Variants in PXDNL observed in about 807,000 individuals in gnomAD.
PXDNL encodes probable oxidoreductase PXDNL.
Under a neutral mutation model 150.8 loss-of-function variants are expected in PXDNL, and 145 were observed. The ratio of observed to expected loss-of-function variants is 0.96; its 90% CI spans 0.84 to 1.10. The LOEUF (loss-of-function observed/expected upper bound fraction) is 1.10, where lower values mean the gene tolerates loss of function less well. Among genes scored for constraint, PXDNL ranks in the 50% least tolerant of loss-of-function variants. PXDNL has a pLI of 0.00. For synonymous variants in PXDNL, 757 were observed against 725.7 expected, an observed-to-expected ratio of 1.04 and a Z score of -0.69; for missense variants, 2,087 against 1,873.9, an observed-to-expected ratio of 1.11 and a Z score of -2.10.
At chr8:51,493,957 T>C (rs202103419) in intron 5 of PXDNL, among the ~76,000 whole-genome samples, 6 of 136,174 alleles carry the variant, frequency 4.4e-5, no homozygotes, top group African/African-American at 1.6e-4. Flanking sequence ...TCAAGAAGAG[T>C]AACTCCAAGA....
At chr8:51,404,473 A>G (rs2130874836) in intron 17 of PXDNL, among the ~76,000 whole-genome samples, 1 of 150,530 alleles carries the variant, frequency 6.6e-6, no homozygotes, top group Admixed American at 6.6e-5. Flanking sequence ...CCACATACAG[A>G]GTGCTGATTG....
chr8:51,754,605 T>C (rs1396995885), intron 1 of PXDNL, among the ~76,000 whole-genome samples: 1 of 151,986 alleles, frequency 6.6e-6, no homozygotes, highest in Non-Finnish European at 1.5e-5. Flanking sequence ...CTGGGTTCAT[T>C]CCATTCTCCT....
At chr8:51,391,713 C>A (rs1216761215) in intron 17 of PXDNL, among the ~76,000 whole-genome samples, 2 of 152,040 alleles carry the variant, frequency 1.3e-5, no homozygotes, top group Non-Finnish European at 2.9e-5. Context: ...ATGGTAGTTT[C>A]TTTTGCTGTG....
chr8:51,477,560 C>T (rs967867443), intron 6 of PXDNL, among the ~76,000 whole-genome samples: 1 of 152,274 alleles, frequency 6.6e-6, no homozygotes, highest in South Asian at 2.1e-4. Context: ...GTATTGTGTT[C>T]GAAGTTCACA....
chr8:51,596,177 C>A (rs1813560544), intron 2 of PXDNL, among the ~76,000 whole-genome samples: 1 of 152,134 alleles, frequency 6.6e-6, no homozygotes, highest in Non-Finnish European at 1.5e-5. Flanking sequence ...TGCATTAATT[C>A]ACTTAGGATA....
intron 1 of PXDNL, among the ~76,000 whole-genome samples, chr8:51,735,967 C>T (rs1408130343): frequency 6.6e-6 from 1 of 152,190 alleles, no homozygotes; most frequent in African/African-American, 2.4e-5. Flanking sequence ...TTTCTCCCTA[C>T]CTGCCTACCA....
At chr8:51,654,526 T>G (rs904017977) in intron 2 of PXDNL, among the ~76,000 whole-genome samples, 163 bp downstream of exon 2, 1 of 144,662 alleles carries the variant, frequency 6.9e-6, no homozygotes, top group Admixed American at 6.7e-5. Context: ...TATAAAAACA[T>G]AGGCAGTGTA....
At chr8:51,472,061 A>G (rs971392976) in intron 8 of PXDNL, 126 bp downstream of exon 8, 12 of 604,782 alleles carry the variant, frequency 2.0e-5, no homozygotes, top group African/African-American at 3.7e-5. Flanking sequence ...GTTAAAAGGC[A>G]TTTTATCTTT....
intron 12 of PXDNL, among the ~76,000 whole-genome samples, chr8:51,446,312 A>T (rs1046677749): frequency 1.3e-5 from 2 of 152,254 alleles, no homozygotes; most frequent in Admixed American, 6.5e-5. Flanking sequence ...TTAGGAAATT[A>T]TATCAAAATG....
At chr8:51,574,769 G>A (rs1813014528) in intron 3 of PXDNL, among the ~76,000 whole-genome samples, 1 of 152,022 alleles carries the variant, frequency 6.6e-6, no homozygotes, top group South Asian at 2.1e-4. Context: ...TTCCAGTGGT[G>A]AAAGGAAAGA....
chr8:51,600,331 T>C (rs1813674795), intron 2 of PXDNL, among the ~76,000 whole-genome samples: 1 of 126,598 alleles, frequency 7.9e-6, no homozygotes, highest in Non-Finnish European at 1.6e-5. Flanking sequence ...TTATATCTTA[T>C]ATAAATTATA....
At chr8:51,761,202 T>C (rs184679936) in intron 1 of PXDNL, among the ~76,000 whole-genome samples, 2 of 152,016 alleles carry the variant, frequency 1.3e-5, no homozygotes, top group East Asian at 1.9e-4. Context: ...TAGTATCTCC[T>C]TGAACTGAAT....
chr8:51,736,916 G>C (rs1240622124), intron 1 of PXDNL, among the ~76,000 whole-genome samples: 1 of 152,172 alleles, frequency 6.6e-6, no homozygotes, highest in African/African-American at 2.4e-5. Flanking sequence ...TTTTAAGGTT[G>C]ACATTTTTAA....
chr8:51,703,748 G>T (rs1033442858), intron 1 of PXDNL, among the ~76,000 whole-genome samples: 21 of 152,068 alleles, frequency 1.4e-4, no homozygotes, highest in Non-Finnish European at 2.9e-4. Context: ...AATTTAATGT[G>T]TTCATACATT....
At chr8:51,332,303 C>T (rs1356159519) in intron 21 of PXDNL, among the ~76,000 whole-genome samples, 2 of 152,180 alleles carry the variant, frequency 1.3e-5, no homozygotes, top group African/African-American at 2.4e-5. Context: ...AGAGAACACC[C>T]TGTGGGACAA....
At chr8:51,484,700 G>A (rs915183573) in intron 5 of PXDNL, among the ~76,000 whole-genome samples, 2 of 152,146 alleles carry the variant, frequency 1.3e-5, no homozygotes, top group Admixed American at 6.5e-5. Context: ...GATGGAAGGT[G>A]GCGGGAGTAG....
chr8:51,517,873 G>C (rs1049916554), intron 4 of PXDNL, among the ~76,000 whole-genome samples: 2 of 152,168 alleles, frequency 1.3e-5, no homozygotes, highest in Admixed American at 6.5e-5. Context: ...AAGGCAAAGA[G>C]TTGTTTTTGT....
intron 8 of PXDNL, among the ~76,000 whole-genome samples, chr8:51,464,358 C>G (rs572782404): frequency 0.22 from 329 of 1,464 alleles, no homozygotes; most frequent in Non-Finnish European, 0.37. Context: ...AGTGAGACCC[C>G]ATCTCTAAAT....
Position 51,556,886 on chromosome 8 carries a change from C to T in PXDNL, c.334G>A (p.Ala112Thr). 1 of 1,580,600 alleles carries T rather than the reference C, an allele frequency of 6.3e-7. No individual in the cohort carries two copies. The highest frequency in any genetic ancestry group is 8.7e-7 in the Non-Finnish European group (1 of 1,150,538). Residue 112 changes from alanine to threonine, a missense_variant, in exon 4 of 23, where the codon GCA (alanine) becomes ACA (threonine). By Grantham distance (58) the Ala-to-Thr change is moderately conservative. Coordinates refer to ENST00000356297, the MANE Select transcript of PXDNL (RefSeq NM_144651.5). ...CCTTTAAATGTTTGCTTATCTAGTG[C>T]ATGGATTTCATTCTTATACAGGTAC... is the stretch of plus-strand genomic sequence containing the variant. The part of the protein sequence containing the change: ...YLYLYKNEIH[A>T]LDKQTFKGLI...
Sources: allele counts gnomAD v4.1 joint callset (sites outside exome capture counted in the v4.1 genomes callset), GRCh38; gene constraint gnomAD v4.1.1; transcripts MANE v1.5; gene names NCBI Gene and HGNC (gene_info 2026-07-23, HGNC 2026-07-21).